Variants in TERT observed in about 807,000 individuals in gnomAD.
The protein encoded by TERT is telomerase reverse transcriptase, also known as telomerase catalytic subunit.
Under a neutral mutation model 104.0 loss-of-function variants are expected in TERT, and 42 were observed. The observed-to-expected ratio is 0.40, with a 90% CI of 0.32 to 0.52. The LOEUF (loss-of-function observed/expected upper bound fraction) is 0.52, where lower values mean the gene tolerates loss of function less well. Among genes scored for constraint, TERT ranks in the 20% least tolerant of loss-of-function variants. The pLI is 0.43. For synonymous variants in TERT, 781 were observed against 725.6 expected, an observed-to-expected ratio of 1.08 and a Z score of -1.23; for missense variants, 1,101 against 1,610.3, an observed-to-expected ratio of 0.68 and a Z score of 5.41.
At chr5:1,260,652 C>T in intron 11 of TERT, 52 bp from the exon 12 acceptor site, 1 of 1,609,412 alleles carries the variant, frequency 6.2e-7, no homozygotes, top group Non-Finnish European at 8.5e-7. Flanking sequence ...ACACCCAGCC[C>T]CCTCCTGCAA....
rs1317046642 is a variant in TERT, at chr5:1,286,108, C to T, written c.1574-3484G>A. Among the ~76,000 whole-genome samples the T allele has an allele frequency of 6.6e-6, 1 of 152,132 alleles. No homozygotes were observed. Among genetic ancestry groups the T allele is most frequent in the African/African-American group, 2.4e-5 (1 of 41,428 alleles). On this transcript the variant is annotated intron_variant, in intron 2 of 15. Coordinates refer to ENST00000310581, the MANE Select transcript of TERT (RefSeq NM_198253.3). The surrounding 1 kb of genome is among the most constrained non-coding windows in gnomAD (Gnocchi z 5.3). Reference sequence around the variant, plus strand: ...CCAGGCTGAACCCAGGCCGAGCGGACGTTGCTGTCACTCACTGGCTAAGGA... The same window carrying T: ...CCAGGCTGAACCCAGGCCGAGCGGATGTTGCTGTCACTCACTGGCTAAGGA...
In TERT at chr5:1,268,521, C is replaced by T. The variant is rs1554039721; in HGVS notation, c.2581G>A (p.Gly861Arg). 1.9e-6 allele frequency: 3 copies of T among 1,613,100 alleles called. No individual in the cohort carries two copies. Among genetic ancestry groups the T allele is most frequent in the Non-Finnish European group, 2.5e-6 (3 of 1,179,750 alleles). ...NKLFAGIRRD[G>R]LLLRLVDDFL... ...CCCCTGGGGAAGAGGAGGCCTCACC[C>T]GTCCCGCCGAATCCCCGCAAACAGC... The change falls in exon 9 of 16, where the codon GGG (glycine) becomes AGG (arginine). Residue 861 changes from glycine (G) to arginine (R), a missense_variant and splice_region_variant. Gly to Arg is a moderately radical substitution (Grantham distance 125). Transcript: ENST00000310581. The surrounding 1 kb of genome is among the most constrained non-coding windows in gnomAD (Gnocchi z 5.5).
chr5:1,294,451 G>A lies in TERT; in HGVS notation c.435C>T (p.Gly145=). The change falls in exon 2 of 16, where the codon GGC becomes GGT. Residue 145 remains glycine (G), a synonymous_variant. Coordinates refer to ENST00000310581, the MANE Select transcript of TERT (RefSeq NM_198253.3). The part of the protein sequence containing the change: ...GAWGLLLRRV[G]DDVLVHLLAR... ...CCAGCAGGTGAACCAGCACGTCGTC[G>A]CCCACGCGGCGCAGCAGCAGCCCCC... 1 of 1,592,062 alleles carries A rather than the reference G, an allele frequency of 6.3e-7. No individual in the cohort carries two copies. The highest frequency in any genetic ancestry group is 8.5e-7 in the Non-Finnish European group (1 of 1,177,134).
rs927228151 is a variant in TERT, at chr5:1,287,754, G to C, written c.1574-5130C>G. On this transcript the variant is annotated intron_variant, in intron 2 of 15. Coordinates refer to ENST00000310581, the MANE Select transcript of TERT (RefSeq NM_198253.3). The surrounding 1 kb of genome is among the most constrained non-coding windows in gnomAD (Gnocchi z 4.3). ...AGAAATGAACAGACCCATCCCCCAG[G>C]TGAGGGACTATGGCCTCCTTCTTGG... Among the ~76,000 whole-genome samples the C allele has an allele frequency of 8.6e-5, 13 of 151,932 alleles. No homozygotes were observed. The highest frequency in any genetic ancestry group is 2.9e-4 in the African/African-American group (12 of 41,330).
Position 1,256,981 on chromosome 5 carries a change from C to A in TERT, c.3033-1570G>T, listed in dbSNP as rs1333946165. On this transcript the variant is annotated intron_variant, in intron 13 of 15. Transcript: ENST00000310581. The surrounding 1 kb of genome is among the most constrained non-coding windows in gnomAD (Gnocchi z 7.0). ...ACCACCACAGCCTCGCCCACTGCAGCCTGGCTGCCGTGAAATCGGGGCCCA... is the reference window on the plus strand; with the variant it reads ...ACCACCACAGCCTCGCCCACTGCAGACTGGCTGCCGTGAAATCGGGGCCCA... 6.6e-6 allele frequency among the ~76,000 whole-genome samples: 1 copy of A among 152,188 alleles called. No individual in the cohort carries two copies. Among genetic ancestry groups the A allele is most frequent in the Admixed American group, 6.5e-5 (1 of 15,292 alleles).
chr5:1,293,188 G>C, intron 2 of TERT, 125 bp downstream of exon 2: 1 of 1,216,206 alleles, frequency 8.2e-7, no homozygotes, highest in Non-Finnish European at 1.2e-6. Context: ...CGTCCTGAGC[G>C]AAAAGCCACG....
rs778951942 is a variant in TERT at position 1,294,439 on chromosome 5, C to T, written c.447G>A (p.Leu149=). 6.3e-7 allele frequency: 1 copy of T among 1,592,570 alleles called. No homozygotes were observed. Among genetic ancestry groups the T allele is most frequent in the Non-Finnish European group, 8.5e-7 (1 of 1,177,350 alleles). The part of the protein sequence containing the change: ...LLLRRVGDDV[L]VHLLARCALF... ...GCGCGCAGCGTGCCAGCAGGTGAACCAGCACGTCGTCGCCCACGCGGCGCA... is the reference window on the plus strand; with the variant it reads ...GCGCGCAGCGTGCCAGCAGGTGAACTAGCACGTCGTCGCCCACGCGGCGCA... The change falls in exon 2 of 16, where the codon CTG becomes CTA. Residue 149 remains leucine, a synonymous_variant. Coordinates refer to ENST00000310581, the MANE Select transcript of TERT (RefSeq NM_198253.3).
chr5:1,255,191 G>C lies in TERT; in HGVS notation c.3157+96C>G. On this transcript the variant is annotated intron_variant, in intron 14 of 15. Transcript: ENST00000310581. The surrounding 1 kb of genome is among the most constrained non-coding windows in gnomAD (Gnocchi z 6.9). ...AAACCACTTCCTGATGCGAAAAGGG[G>C]TAAGAACTTCCTAAGCCCAGATTCA... The C allele has an allele frequency of 1.3e-6, 2 of 1,513,368 alleles. No homozygotes were observed. The highest frequency in any genetic ancestry group is 1.8e-6 in the Non-Finnish European group (2 of 1,110,802). 93.7% of individuals were successfully genotyped at this position (1,513,368 alleles called of 1,614,324 possible).
rs1001068237 is a variant in TERT at position 1,286,506 on chromosome 5, G to C, written c.1574-3882C>G. Among the ~76,000 whole-genome samples the C allele has an allele frequency of 6.6e-6, 1 of 152,190 alleles. No homozygotes were observed. The highest frequency in any genetic ancestry group is 1.5e-5 in the Non-Finnish European group (1 of 68,042). On this transcript the variant is annotated intron_variant, in intron 2 of 15. Coordinates refer to ENST00000310581, the MANE Select transcript of TERT (RefSeq NM_198253.3). This position sits in a 1 kb window ranked among gnomAD's most constrained non-coding sequence, Gnocchi z 5.3. ...AGCAGGGAAAACAGCACACAGGCTG[G>C]GGGGTGGCCAGAGCTAAAATACACT...
chr5:1,258,659 C>T lies in TERT; in HGVS notation c.2971G>A (p.Val991Met), dbSNP rs1187988619. 6.4e-7 allele frequency: 1 copy of T among 1,565,782 alleles called. No homozygotes were observed. ...KCHSLFLDLQ[V>M]NSLQTVCTNI... The stretch of plus-strand genomic sequence containing the variant: ...GTGCACACCGTCTGGAGGCTGTTCA[C>T]CTAGAGTCGCCAAGAAAGAGTGAGA... Residue 991 changes from valine to methionine, a missense_variant and splice_region_variant, in exon 13 of 16, where the codon GTG becomes ATG. Val to Met is a conservative substitution (Grantham distance 21). Coordinates refer to ENST00000310581, the MANE Select transcript of TERT (RefSeq NM_198253.3).
rs552240068 is a variant in TERT at position 1,292,162 on chromosome 5, C to T, written c.1573+1151G>A. On this transcript the variant is annotated intron_variant, in intron 2 of 15. Coordinates refer to ENST00000310581, the MANE Select transcript of TERT (RefSeq NM_198253.3). The surrounding 1 kb of genome is among the most constrained non-coding windows in gnomAD (Gnocchi z 5.5). ...AAAAAAGAGCCCCAAGAAGGTCACC[C>T]TCCTTGTCTGCATGGCCGGAAGTCT... Among the ~76,000 whole-genome samples the T allele has an allele frequency of 1.3e-5, 2 of 152,274 alleles. No homozygotes were observed. The highest frequency in any genetic ancestry group is 4.8e-5 in the African/African-American group (2 of 41,574).
rs532877103 is a variant in TERT at position 1,257,754 on chromosome 5, C to T, written c.3032+844G>A. Among the ~76,000 whole-genome samples, 3 of 152,262 alleles carry T rather than the reference C, an allele frequency of 2.0e-5. No homozygotes were observed. The highest frequency in any genetic ancestry group is 1.9e-4 in the East Asian group (1 of 5,200). On this transcript the variant is annotated intron_variant, in intron 13 of 15. Coordinates refer to ENST00000310581, the MANE Select transcript of TERT (RefSeq NM_198253.3). This position sits in a 1 kb window ranked among gnomAD's most constrained non-coding sequence, Gnocchi z 5.6. Reference sequence around the variant, plus strand: ...CTTGCTGGGTTTCCACGATAGACGACGACCTCATTTCACATCAAGTGTGCA... The same window carrying T: ...CTTGCTGGGTTTCCACGATAGACGATGACCTCATTTCACATCAAGTGTGCA...
intron 2 of TERT, among the ~76,000 whole-genome samples, chr5:1,285,362 A>G (rs1483641154): frequency 6.6e-6 from 1 of 152,196 alleles, no homozygotes; most frequent in Non-Finnish European, 1.5e-5. Flanking sequence ...GAAGCCCAGC[A>G]GGTCCAGGCC....
At position 1,294,680 on chromosome 5, in the gene TERT, G is replaced by T; in HGVS notation, c.220-14C>A. On this transcript the variant is annotated splice_polypyrimidine_tract_variant and intron_variant, in intron 1 of 15. Transcript: ENST00000310581. ...CAGGCAGGACACCTGCGGGGGAAGC[G>T]CCCTGAGTCGCCTGCGCTGCTCTCC... The T allele has an allele frequency of 6.3e-7, 1 of 1,590,094 alleles. No individual in the cohort carries two copies. The highest frequency in any genetic ancestry group is 1.1e-5 in the South Asian group (1 of 89,356).
At position 1,291,560 on chromosome 5, in the gene TERT, C is replaced by T. The variant is rs1260810462; in HGVS notation, c.1573+1753G>A. 2.0e-3 allele frequency among the ~76,000 whole-genome samples: 231 copies of T among 116,398 alleles called. 1 individual carries two copies. The highest frequency in any genetic ancestry group is 2.4e-3 in the African/African-American group (71 of 30,176). 76.4% of individuals were successfully genotyped at this position (116,398 alleles called of 152,430 possible). On this transcript the variant is annotated intron_variant, in intron 2 of 15. Coordinates refer to ENST00000310581, the MANE Select transcript of TERT (RefSeq NM_198253.3). ...TACACGTGACAGGGACACCCGGGGA[C>T]CGCGCCTCACTCACCCTGCACGTGA... is the stretch of plus-strand genomic sequence containing the variant.
intron 2 of TERT, among the ~76,000 whole-genome samples, chr5:1,285,061 A>C (rs59663707): frequency 7.3e-5 from 6 of 81,866 alleles, no homozygotes; most frequent in South Asian, 6.8e-4. Context: ...GAGGGCCTGG[A>C]GACCTCACCC....
chr5:1,267,055 T>G (rs1367682212), intron 9 of TERT, among the ~76,000 whole-genome samples: 1 of 152,224 alleles, frequency 6.6e-6, no homozygotes, highest in Non-Finnish European at 1.5e-5. Context: ...CTGACCAGTG[T>G]GCCGCCAGCT....
At chr5:1,273,099 C>CG in intron 6 of TERT, among the ~76,000 whole-genome samples, 1 of 103,650 alleles carries the variant, frequency 9.6e-6, no homozygotes. Flanking sequence ...TCAGACCCCA[C>CG]AACCGCCATC....
At position 1,287,001 on chromosome 5, in the gene TERT, A is replaced by G. The variant is rs1750534857; in HGVS notation, c.1574-4377T>C. Among the ~76,000 whole-genome samples the G allele has an allele frequency of 6.6e-6, 1 of 152,248 alleles. No individual in the cohort carries two copies. The highest frequency in any genetic ancestry group is 1.5e-5 in the Non-Finnish European group (1 of 68,042). On this transcript the variant is annotated intron_variant, in intron 2 of 15. Coordinates refer to ENST00000310581, the MANE Select transcript of TERT (RefSeq NM_198253.3). The surrounding 1 kb of genome is among the most constrained non-coding windows in gnomAD (Gnocchi z 4.3). ...TCAACACACACTCGGCAGGAAACGC[A>G]CATGGCAACCCAAGAGGTGGTGAGA...
Sources: allele counts gnomAD v4.1 joint callset (sites outside exome capture counted in the v4.1 genomes callset), GRCh38; gene constraint gnomAD v4.1.1; non-coding constraint Gnocchi (gnomAD v3.1); transcripts MANE v1.5; gene names NCBI Gene and HGNC (gene_info 2026-07-23, HGNC 2026-07-21).